The following GRM5 variants were observed in gnomAD, a reference collection of about 807,000 sequenced individuals.
The protein encoded by GRM5 is glutamate metabotropic receptor 5.
A neutral mutation model predicts 83.1 loss-of-function variants in GRM5; 19 were observed. The observed-to-expected ratio is 0.23, with a 90% CI of 0.16 to 0.34. GRM5 has a LOEUF of 0.34. GRM5 is among the 10% of genes least tolerant of loss of function. The pLI is 1.00. For missense variants in GRM5, 1,160 were observed against 1,588.3 expected (o/e 0.73, Z 4.58); for synonymous variants, 675 against 633.6 (o/e 1.07, Z -0.98).
At chr11:88,649,065 AT>A (rs1272096019) in intron 4 of GRM5, among the ~76,000 whole-genome samples, 3 of 145,268 alleles carry the variant, frequency 2.1e-5, no homozygotes, top group African/African-American at 7.5e-5. Context: ...TAATATATAT[AT>A]TATAATATAT....
intron 3 of GRM5, among the ~76,000 whole-genome samples, chr11:88,759,042 C>T (rs900589962): frequency 2.0e-5 from 3 of 152,076 alleles, no homozygotes; most frequent in East Asian, 1.9e-4. Flanking sequence ...ACTGAGGGAA[C>T]CTGTTACCAC....
intron 7 of GRM5, among the ~76,000 whole-genome samples, chr11:88,579,030 A>C (rs1386850478): frequency 6.6e-6 from 1 of 152,142 alleles, no homozygotes; most frequent in Non-Finnish European, 1.5e-5. Flanking sequence ...TTACTGTGTG[A>C]TCATGAGCAT....
chr11:88,540,888 A>G (rs956643519), intron 8 of GRM5, among the ~76,000 whole-genome samples: 23 of 151,790 alleles, frequency 1.5e-4, no homozygotes, highest in African/African-American at 5.1e-4. Flanking sequence ...CTGGGATTAC[A>G]GGTGCCCACC....
intron 8 of GRM5, among the ~76,000 whole-genome samples, chr11:88,540,818 C>A (rs116600894): frequency 0.012 from 1,762 of 152,156 alleles, 38 homozygotes; most frequent in African/African-American, 0.039. Flanking sequence ...GTGATCTCAG[C>A]TCACTGTAAG....
intron 3 of GRM5, among the ~76,000 whole-genome samples, chr11:88,775,369 T>C (rs532266658): frequency 7.2e-5 from 11 of 152,348 alleles, no homozygotes; most frequent in Non-Finnish European, 1.5e-5. Flanking sequence ...ATCAATTTTG[T>C]TGATCTTTTC....
rs1295477249 is a variant in GRM5 at position 88,526,278 on chromosome 11, T to C, written c.2631-874A>G. Among the ~76,000 whole-genome samples the C allele has an allele frequency of 5.9e-5, 9 of 152,224 alleles. 1 individual carries two copies. The South Asian group carries it at 1.0e-3, about 17-fold the overall frequency. ...CTACGTGGTGCATCAAGATGAGTTC[T>C]TGTATCTCAATGACAGTTTTTTGAG... is the stretch of plus-strand genomic sequence containing the variant. On this transcript the variant is annotated intron_variant, in intron 8 of 9. Coordinates refer to ENST00000305447, the MANE Select transcript of GRM5 (RefSeq NM_001143831.3).
chr11:88,646,816 CA>C (rs1427274437), intron 4 of GRM5, among the ~76,000 whole-genome samples: 1 of 150,264 alleles, frequency 6.7e-6, no homozygotes, highest in Non-Finnish European at 1.5e-5. Context: ...AGGATACTTG[CA>C]GGTTCTGACT....
chr11:89,040,647 T>A (rs952539083), intron 2 of GRM5, among the ~76,000 whole-genome samples: 7 of 152,096 alleles, frequency 4.6e-5, no homozygotes, highest in Non-Finnish European at 8.8e-5. Context: ...ACTGCAGTGA[T>A]CTATGACCAT....
chr11:88,952,125 A>ACAC (rs1565307103), intron 2 of GRM5, among the ~76,000 whole-genome samples: 4 of 151,122 alleles, frequency 2.6e-5, no homozygotes, highest in African/African-American at 7.3e-5. Flanking sequence ...CATACAAACA[A>ACAC]ACACACACAC....
intron 2 of GRM5, among the ~76,000 whole-genome samples, chr11:88,923,135 A>G (rs1945723406): frequency 6.6e-6 from 1 of 152,168 alleles, no homozygotes; most frequent in African/African-American, 2.4e-5. Flanking sequence ...ACTATGGAGA[A>G]CAGTGTGGAG....
intron 3 of GRM5, among the ~76,000 whole-genome samples, chr11:88,694,668 AATCATAAAACT>A (rs1233412562): frequency 6.6e-6 from 1 of 152,148 alleles, no homozygotes; most frequent in Admixed American, 6.5e-5. Flanking sequence ...ATGATTGGAC[AATCATAAAACT>A]ATCATGACCA....
intron 3 of GRM5, among the ~76,000 whole-genome samples, chr11:88,722,715 A>AT (rs1286984362): frequency 6.6e-6 from 1 of 152,152 alleles, no homozygotes; most frequent in Non-Finnish European, 1.5e-5. Flanking sequence ...GTAGATTTTA[A>AT]TTTTTAGCAT....
chr11:89,063,058 G>A (rs530181041), intron 1 of GRM5, among the ~76,000 whole-genome samples: 1 of 152,230 alleles, frequency 6.6e-6, no homozygotes, highest in South Asian at 2.1e-4. Context: ...CCTGCAGCAG[G>A]CGCCACGAAG....
Position 89,017,769 on chromosome 11 carries a change from T to C in GRM5, c.661+29443A>G, listed in dbSNP as rs551712433. Among the ~76,000 whole-genome samples the C allele has an allele frequency of 5.9e-5, 9 of 152,312 alleles. No individual in the cohort carries two copies. In the East Asian group the frequency reaches 7.7e-4, roughly 13 times the overall value. On this transcript the variant is annotated intron_variant, in intron 2 of 9. Transcript: ENST00000305447. ...CCTGTTATTTGTTGAGTACCCACCATAGAGTTTCTATTCCAGAAGGAAAAT... is the reference window on the plus strand; with the variant it reads ...CCTGTTATTTGTTGAGTACCCACCACAGAGTTTCTATTCCAGAAGGAAAAT...
chr11:88,645,884 G>A (rs919877180), intron 4 of GRM5, among the ~76,000 whole-genome samples: 12 of 152,168 alleles, frequency 7.9e-5, no homozygotes, highest in Middle Eastern at 3.4e-3. Flanking sequence ...TTGGCTATGC[G>A]GATGGAAGAG....
At chr11:88,943,928 T>A (rs1008218697) in intron 2 of GRM5, among the ~76,000 whole-genome samples, 10 of 151,992 alleles carry the variant, frequency 6.6e-5, no homozygotes, top group African/African-American at 2.4e-4. Context: ...GTTTTGTTTC[T>A]CTTTTCTGAA....
rs376550220 is a variant in GRM5 at position 89,039,466 on chromosome 11, G to T, written c.661+7746C>A. ...TTGTCCATTGCAGGTTTGTGCACAA[G>T]GAGTTACAGAGAACTAACTCACTAT... On this transcript the variant is annotated intron_variant, in intron 2 of 9. Transcript: ENST00000305447. Among the ~76,000 whole-genome samples, 14 of 152,048 alleles carry T rather than the reference G, an allele frequency of 9.2e-5. No individual in the cohort carries two copies. In the East Asian group the frequency reaches 1.7e-3, roughly 19 times the overall value.
At chr11:88,929,162 G>T (rs1450374116) in intron 2 of GRM5, among the ~76,000 whole-genome samples, 2 of 151,984 alleles carry the variant, frequency 1.3e-5, no homozygotes, top group African/African-American at 4.8e-5. Flanking sequence ...CCTCTGATAG[G>T]TCCTTGGTTC....
At chr11:88,981,953 C>A (rs1316075834) in intron 2 of GRM5, among the ~76,000 whole-genome samples, 2 of 152,124 alleles carry the variant, frequency 1.3e-5, no homozygotes, top group African/African-American at 4.8e-5. Context: ...TTAGTTTTTT[C>A]TTCCCTTTTG....
Sources: gnomAD v4.1 joint callset for allele counts (sites outside exome capture counted in the v4.1 genomes callset) on GRCh38, gnomAD v4.1.1 for gene constraint, MANE v1.5 for transcripts, NCBI Gene and HGNC (gene_info 2026-07-23, HGNC 2026-07-21) for gene names.